The following FKBP5 variants were observed in gnomAD, a reference collection of about 807,000 sequenced individuals.
FKBP5 encodes FKBP prolyl isomerase 5.
Under a neutral mutation model 50.5 loss-of-function variants are expected in FKBP5, and 23 were observed. The observed-to-expected ratio is 0.46, with a 90% CI of 0.33 to 0.65. The LOEUF is 0.65. Among genes scored for constraint, FKBP5 ranks in the 30% least tolerant of loss-of-function variants. The pLI, the probability that FKBP5 is intolerant of heterozygous loss-of-function variation, is 0.02. For synonymous variants in FKBP5, 176 were observed against 190.6 expected (o/e 0.92, Z 0.63); for missense variants, 411 against 553.1 (o/e 0.74, Z 2.58).
At chr6:35,673,166 A>G (rs1019022783) in intron 1 of FKBP5, among the ~76,000 whole-genome samples, 6 of 152,224 alleles carry the variant, frequency 3.9e-5, no homozygotes, top group Non-Finnish European at 7.3e-5. Flanking sequence ...TATACCTTCT[A>G]TCACATTACA....
Position 35,587,101 on chromosome 6 carries a change from T to A in FKBP5, c.773A>T (p.Glu258Val), listed in dbSNP as rs1255719101. 1 of 1,613,986 alleles carries A rather than the reference T, an allele frequency of 6.2e-7. No homozygotes were observed. Among genetic ancestry groups the A allele is most frequent in the Non-Finnish European group, 8.5e-7 (1 of 1,179,966 alleles). ...CTCCAATTTTTCTTTGGTATCCATC[T>A]CCCAGGATTCTTTGGCCTGTGTGTA... ...KSFEKAKESWEMDTKEKLEQA... is the reference protein window; with the variant it reads ...KSFEKAKESWVMDTKEKLEQA... Residue 258 changes from glutamate to valine, a missense_variant, in exon 8 of 11, where the codon GAG becomes GTG. Glu to Val is a moderately radical substitution (Grantham distance 121). Transcript: ENST00000357266.
At chr6:35,693,274 T>A (rs368030791), upstream of FKBP5, among the ~76,000 whole-genome samples, 2 of 148,810 alleles carry the variant, frequency 1.3e-5, 1 homozygote, top group East Asian at 4.1e-4. Flanking sequence ...ACCATTCTCC[T>A]GCTTCAGCCT....
At chr6:35,721,967 T>A (rs929458424) in intron 1 of FKBP5, among the ~76,000 whole-genome samples, 5 of 152,240 alleles carry the variant, frequency 3.3e-5, no homozygotes, top group Non-Finnish European at 7.3e-5. Context: ...TTGCATGTGC[T>A]GTGCTGTTCC....
Position 35,605,084 on chromosome 6 carries a change from G to A in FKBP5, c.509-7680C>T, listed in dbSNP as rs113139237. On this transcript the variant is annotated intron_variant, in intron 5 of 10. Transcript: ENST00000357266. ...AGGCGTGAGCCACCGTGCCCGGCCC[G>A]TGTTTTCTTATTTTTTAAAACAATT... 5.2e-3 allele frequency among the ~76,000 whole-genome samples: 792 copies of A among 152,024 alleles called. 8 individuals are homozygous for A. The highest frequency in any genetic ancestry group is 0.013 in the African/African-American group (558 of 41,456).
At chr6:35,676,988 A>T (rs1311098760) in intron 1 of FKBP5, among the ~76,000 whole-genome samples, 2 of 152,178 alleles carry the variant, frequency 1.3e-5, no homozygotes, top group African/African-American at 4.8e-5. Context: ...CTGACAAACC[A>T]ATTCCAGAAG....
At chr6:35,631,854 C>G (rs1764167438) in intron 3 of FKBP5, among the ~76,000 whole-genome samples, 1 of 149,326 alleles carries the variant, frequency 6.7e-6, no homozygotes, top group South Asian at 2.1e-4. Context: ...ACTCAGGAGG[C>G]TGAGGCAAGA....
At chr6:35,669,310 A>G (rs1166001823) in intron 1 of FKBP5, among the ~76,000 whole-genome samples, 1 of 152,224 alleles carries the variant, frequency 6.6e-6, no homozygotes, top group African/African-American at 2.4e-5. Flanking sequence ...TCTTGAAAGA[A>G]TATAGCTGAA....
chr6:35,669,700 G>A (rs1292523908), intron 1 of FKBP5, among the ~76,000 whole-genome samples: 1 of 152,082 alleles, frequency 6.6e-6, no homozygotes, highest in African/African-American at 2.4e-5. Flanking sequence ...GGCTAAGACA[G>A]CAACAGAAGA....
intron 2 of FKBP5, among the ~76,000 whole-genome samples, chr6:35,715,594 A>G (rs1766497143): frequency 6.6e-6 from 1 of 152,210 alleles, no homozygotes; most frequent in Admixed American, 6.5e-5. Flanking sequence ...AACGGCATGT[A>G]CAAAGGCTCA....
At chr6:35,721,291 G>C (rs1344435303) in intron 1 of FKBP5, among the ~76,000 whole-genome samples, 2 of 151,858 alleles carry the variant, frequency 1.3e-5, no homozygotes, top group Admixed American at 1.3e-4. Flanking sequence ...GGTGGAGGTT[G>C]CAGTGAGCTG....
chr6:35,627,854 C>T (rs1229986897), intron 3 of FKBP5, among the ~76,000 whole-genome samples: 6 of 151,290 alleles, frequency 4.0e-5, no homozygotes, highest in African/African-American at 9.7e-5. Flanking sequence ...TTCTGCCTCC[C>T]GGGTTCAAGC....
chr6:35,665,600 T>C (rs1765193513), intron 1 of FKBP5, among the ~76,000 whole-genome samples: 1 of 152,142 alleles, frequency 6.6e-6, no homozygotes, highest in South Asian at 2.1e-4. Flanking sequence ...TAAATGTTTA[T>C]CTTAAACATT....
intron 1 of FKBP5, among the ~76,000 whole-genome samples, chr6:35,688,356 G>A (rs1387677391): frequency 6.6e-6 from 1 of 152,060 alleles, no homozygotes; most frequent in Non-Finnish European, 1.5e-5. Flanking sequence ...CCCGCCCGCA[G>A]CGGTGCCGGC....
At chr6:35,721,084 G>A (rs932361098) in intron 1 of FKBP5, among the ~76,000 whole-genome samples, 1 of 152,174 alleles carries the variant, frequency 6.6e-6, no homozygotes, top group Non-Finnish European at 1.5e-5. Context: ...GGGCACGGTG[G>A]CTCACACCTG....
At chr6:35,681,890 C>T (rs368203728) in intron 1 of FKBP5, among the ~76,000 whole-genome samples, 1 of 151,932 alleles carries the variant, frequency 6.6e-6, no homozygotes, top group Non-Finnish European at 1.5e-5. Context: ...CTGATCACGC[C>T]ACTGCACTCC....
At chr6:35,727,726 C>A (rs990249419) in intron 1 of FKBP5, among the ~76,000 whole-genome samples, 1 of 152,220 alleles carries the variant, frequency 6.6e-6, no homozygotes, top group African/African-American at 2.4e-5. Context: ...CTCCAGCTAT[C>A]CTCCTCCCGC....
intron 8 of FKBP5, chr6:35,584,917 T>A: frequency 1.0e-6 from 1 of 985,416 alleles, no homozygotes; most frequent in Non-Finnish European, 1.2e-6. Flanking sequence ...AGCAACAAAG[T>A]TAAGTAACTG....
At chr6:35,727,220 G>C (rs531542637) in intron 1 of FKBP5, among the ~76,000 whole-genome samples, 2 of 152,320 alleles carry the variant, frequency 1.3e-5, no homozygotes, top group South Asian at 4.1e-4. Context: ...ACCCAATACA[G>C]AGCCTTCCAC....
chr6:35,582,703 T>C (rs141710122), intron 8 of FKBP5: 2 of 985,344 alleles, frequency 2.0e-6, no homozygotes, highest in African/African-American at 3.5e-5. Context: ...GTCATAGTCT[T>C]AGGCCTACCA....
Sources: gnomAD v4.1 joint callset for allele counts (sites outside exome capture counted in the v4.1 genomes callset) on GRCh38, gnomAD v4.1.1 for gene constraint, MANE v1.5 for transcripts, NCBI Gene and HGNC (gene_info 2026-07-23, HGNC 2026-07-21) for gene names.